HK1: variants seen among roughly 807,000 people sequenced by gnomAD.
HK1 encodes the protein hexokinase-1.
A neutral mutation model predicts 91.6 loss-of-function variants in HK1; 28 were observed. That is an observed-to-expected ratio of 0.31 (90% CI 0.23 to 0.42). The LOEUF (loss-of-function observed/expected upper bound fraction) is 0.42. HK1 is among the 10% of genes least tolerant of loss of function. The pLI is 1.00. For synonymous variants in HK1, 430 were observed against 468.1 expected (o/e 0.92, Z 1.05); for missense variants, 770 against 1,219.8 (o/e 0.63, Z 5.49).
chr10:69,366,240 A>T (rs1488899574), intron 4 of HK1, among the ~76,000 whole-genome samples: 1 of 152,172 alleles, frequency 6.6e-6, no homozygotes, highest in Non-Finnish European at 1.5e-5. Context: ...TGAGTCTCAG[A>T]GGGGCTAAGA....
intron 2 of HK1, among the ~76,000 whole-genome samples, chr10:69,347,582 C>T (rs10998733): frequency 0.069 from 10,444 of 151,848 alleles, 590 homozygotes; most frequent in South Asian, 0.15. Flanking sequence ...ATTACAAGTG[C>T]GCACCACCAC....
chr10:69,345,705 T>G (rs1272965032), intron 2 of HK1, among the ~76,000 whole-genome samples: 4 of 152,118 alleles, frequency 2.6e-5, no homozygotes, highest in Non-Finnish European at 4.4e-5. Context: ...TCCTACCCAC[T>G]GGGCCCTGCT....
intron 9 of HK1, 110 bp from the exon 10 acceptor site, chr10:69,382,377 A>C (rs1361423882): frequency 8.1e-7 from 1 of 1,231,442 alleles, no homozygotes; most frequent in Non-Finnish European, 1.2e-6. Context: ...CCTGTCTCAA[A>C]AAAAAGGAAA....
Position 69,368,649 on chromosome 10 carries a change from C to T in HK1, c.591+18C>T. The T allele has an allele frequency of 6.3e-7, 1 of 1,595,426 alleles. No homozygotes were observed. The highest frequency in any genetic ancestry group is 8.6e-7 in the Non-Finnish European group (1 of 1,163,028). On this transcript the variant is annotated intron_variant, in intron 5 of 17. Coordinates refer to ENST00000359426, the MANE Select transcript of HK1 (RefSeq NM_000188.3). ...AGCGAGGGGTAATTTCTCCTGGGCCCTCTGCCTCAGCCATGCAGGGGTGTG... is the reference window on the plus strand; with the variant it reads ...AGCGAGGGGTAATTTCTCCTGGGCCTTCTGCCTCAGCCATGCAGGGGTGTG...
At chr10:69,273,902 G>A (rs1355274224) in intron 1 of HK1, among the ~76,000 whole-genome samples, 1 of 151,470 alleles carries the variant, frequency 6.6e-6, no homozygotes, top group African/African-American at 2.4e-5. Context: ...TAAAGTCCTT[G>A]TCTGCTAATT....
At chr10:69,283,189 G>A (rs1844846702) in intron 2 of HK1, among the ~76,000 whole-genome samples, 4 of 145,954 alleles carry the variant, frequency 2.7e-5, no homozygotes, top group South Asian at 4.4e-4. Flanking sequence ...GCTCACACAT[G>A]TAATCCCAGC....
At chr10:69,317,598 G>T (rs1423270694), upstream of HK1, among the ~76,000 whole-genome samples, 1 of 152,136 alleles carries the variant, frequency 6.6e-6, no homozygotes, top group Non-Finnish European at 1.5e-5. Context: ...TTGGTTGCAG[G>T]AAAGTGACCT....
At chr10:69,325,044 ATTTTTTTTT>A (rs1046990181) in intron 1 of HK1, among the ~76,000 whole-genome samples, 2 of 93,904 alleles carry the variant, frequency 2.1e-5, no homozygotes, top group African/African-American at 8.5e-5. Context: ...AAAAATGTGT[ATTTTTTTTT>A]TTTTTTTTTT....
chr10:69,346,413 C>A (rs1201521663), intron 2 of HK1, among the ~76,000 whole-genome samples: 2 of 152,190 alleles, frequency 1.3e-5, no homozygotes, highest in Non-Finnish European at 2.9e-5. Context: ...TTTTGGAACT[C>A]AACTGACTTT....
At chr10:69,292,945 C>T (rs972096538) in intron 3 of HK1, among the ~76,000 whole-genome samples, 1 of 152,150 alleles carries the variant, frequency 6.6e-6, no homozygotes, top group Non-Finnish European at 1.5e-5. Context: ...GGACCAGGAC[C>T]CACCCTATCC....
rs1193368260 is a variant in HK1, at chr10:69,380,556, G to A, written c.1265+461G>A. Among the ~76,000 whole-genome samples, 1 of 152,156 alleles carries A rather than the reference G, an allele frequency of 6.6e-6. No individual in the cohort carries two copies. Among genetic ancestry groups the A allele is most frequent in the African/African-American group, 2.4e-5 (1 of 41,444 alleles). On this transcript the variant is annotated intron_variant, in intron 9 of 17. Transcript: ENST00000359426. This position sits in a 1 kb window ranked among gnomAD's most constrained non-coding sequence, Gnocchi z 4.0. Reference sequence around the variant, plus strand: ...AGGAGGACCTTGGGTCATAGGTGTGGTACCCACATTCTTGTTTCAGAAGCT... The same window carrying A: ...AGGAGGACCTTGGGTCATAGGTGTGATACCCACATTCTTGTTTCAGAAGCT...
At chr10:69,344,725 C>T (rs1396645198) in intron 2 of HK1, among the ~76,000 whole-genome samples, 1 of 152,230 alleles carries the variant, frequency 6.6e-6, no homozygotes, top group African/African-American at 2.4e-5. Flanking sequence ...TGAGAAGTCG[C>T]AGTCTGGCCT....
intron 2 of HK1, among the ~76,000 whole-genome samples, chr10:69,353,673 A>G (rs974356976): frequency 2.6e-5 from 4 of 151,250 alleles, no homozygotes; most frequent in African/African-American, 9.7e-5. Flanking sequence ...GAGTTCTGGT[A>G]GCTTCTGTCT....
At chr10:69,344,223 G>A (rs1296087294) in intron 2 of HK1, among the ~76,000 whole-genome samples, 2 of 152,124 alleles carry the variant, frequency 1.3e-5, no homozygotes, top group Non-Finnish European at 2.9e-5. Context: ...GCCAGTCACT[G>A]GGGATACCAT....
At chr10:69,332,514 G>T (rs1847789670) in intron 1 of HK1, among the ~76,000 whole-genome samples, 1 of 151,926 alleles carries the variant, frequency 6.6e-6, no homozygotes, top group Admixed American at 6.6e-5. Flanking sequence ...TAGTAGCTGG[G>T]ATTACAGGAG....
chr10:69,298,728 G>A (rs1352154271), intron 4 of HK1, among the ~76,000 whole-genome samples: 1 of 151,816 alleles, frequency 6.6e-6, no homozygotes, highest in East Asian at 1.9e-4. Flanking sequence ...AGACTATTCA[G>A]CTACATCATG....
At position 69,328,223 on chromosome 10, in the gene HK1, C is replaced by T. The variant is rs546357630; in HGVS notation, c.63+9213C>T. Among the ~76,000 whole-genome samples the T allele has an allele frequency of 5.3e-5, 8 of 152,216 alleles. No homozygotes were observed. The South Asian group carries it at 1.7e-3, about 32-fold the overall frequency. On this transcript the variant is annotated intron_variant, in intron 1 of 17. Coordinates refer to ENST00000359426, the MANE Select transcript of HK1 (RefSeq NM_000188.3). ...GGCAGGGAAAACTGAACCGTGAAGT[C>T]GGCGGCTCAGCCCTTTGCACACAGA...
chr10:69,372,570 A>T (rs1850064786), intron 7 of HK1, among the ~76,000 whole-genome samples: 1 of 152,160 alleles, frequency 6.6e-6, no homozygotes, highest in South Asian at 2.1e-4. Context: ...GACAGAGGTG[A>T]CCCAAGACTC....
At chr10:69,383,209 AG>A (rs1305109464) in intron 10 of HK1, among the ~76,000 whole-genome samples, 1 of 152,240 alleles carries the variant, frequency 6.6e-6, no homozygotes, top group Non-Finnish European at 1.5e-5. Flanking sequence ...TGTTCTTAAA[AG>A]CTGGGCAAAT....
Sources: gnomAD v4.1 joint callset for allele counts (sites outside exome capture counted in the v4.1 genomes callset) on GRCh38, gnomAD v4.1.1 for gene constraint, Gnocchi (gnomAD v3.1) non-coding constraint, MANE v1.5 for transcripts, NCBI Gene and HGNC (gene_info 2026-07-23, HGNC 2026-07-21) for gene names.